STIM1: variants seen among roughly 807,000 people sequenced by gnomAD.
STIM1 encodes stromal interaction molecule 1.
A neutral mutation model predicts 74.7 loss-of-function variants in STIM1; 25 were observed. That is an observed-to-expected ratio of 0.33 (90% CI 0.24 to 0.47). The LOEUF is 0.47. STIM1 is among the 20% of genes least tolerant of loss of function. The pLI is 1.00. For synonymous variants in STIM1, 328 were observed against 348.8 expected (o/e 0.94, Z 0.66); for missense variants, 728 against 920.8 (o/e 0.79, Z 2.71).
At chr11:4,077,210 A>G (rs2094442333) in intron 7 of STIM1, among the ~76,000 whole-genome samples, 1 of 151,822 alleles carries the variant, frequency 6.6e-6, no homozygotes, top group African/African-American at 2.4e-5. Context: ...GCTAAGTGAA[A>G]TAAAGCAAGG....
chr11:4,055,535 G>A lies in STIM1; in HGVS notation c.395G>A (p.Trp132Ter). 6.3e-7 allele frequency: 1 copy of A among 1,596,530 alleles called. No individual in the cohort carries two copies. The highest frequency in any genetic ancestry group is 8.5e-7 in the Non-Finnish European group (1 of 1,172,100). Residue 132 changes from tryptophan to a stop codon, truncating the protein, a stop_gained, in exon 4 of 13, where the codon TGG (tryptophan) becomes TAG (stop). Coordinates refer to ENST00000526596, the MANE Select transcript of STIM1 (RefSeq NM_001382567.1). LOFTEE classifies it high-confidence loss of function. ...KAWKSSEVYNWTVDEVVQWLI... is the reference protein window; with the variant it reads ...KAWKSSEVYN ...TTGTCTCTTTTCACAGTATACAATT[G>A]GACCGTGGATGAGGTGGTACAGTGG...
chr11:3,925,620 G>T (rs1368455249), intron 1 of STIM1, among the ~76,000 whole-genome samples: 1 of 152,162 alleles, frequency 6.6e-6, no homozygotes, highest in African/African-American at 2.4e-5. Context: ...ATAATTTTTA[G>T]ATGGTTTTTA....
intron 1 of STIM1, among the ~76,000 whole-genome samples, chr11:3,916,925 G>A (rs931767545): frequency 3.9e-5 from 6 of 152,206 alleles, no homozygotes; most frequent in African/African-American, 1.4e-4. Flanking sequence ...CAATAGCTAT[G>A]GAAAGGTGGT....
chr11:3,862,880 GCA>G (rs58778371), intron 1 of STIM1, among the ~76,000 whole-genome samples: 426 of 145,986 alleles, frequency 2.9e-3, no homozygotes, highest in Middle Eastern at 3.6e-3. Context: ...ACACACACAC[GCA>G]CACACACACA....
chr11:3,882,917 C>T (rs1020386148), intron 1 of STIM1, among the ~76,000 whole-genome samples: 1 of 152,136 alleles, frequency 6.6e-6, no homozygotes, highest in Non-Finnish European at 1.5e-5. Flanking sequence ...TCTCTAATCT[C>T]TAATGATATT....
intron 1 of STIM1, among the ~76,000 whole-genome samples, chr11:3,951,275 A>G (rs2093144534): frequency 6.6e-6 from 1 of 152,192 alleles, no homozygotes; most frequent in Admixed American, 6.5e-5. Context: ...GGTTCCTAGA[A>G]TGATCATCTT....
chr11:4,046,870 C>T (rs2094197611), intron 3 of STIM1, among the ~76,000 whole-genome samples: 3 of 152,120 alleles, frequency 2.0e-5, no homozygotes, highest in Non-Finnish European at 1.5e-5. Flanking sequence ...TTAGGTTCGT[C>T]TCAAACTCCT....
chr11:4,013,148 G>C (rs1323426974), intron 2 of STIM1, among the ~76,000 whole-genome samples: 1 of 152,154 alleles, frequency 6.6e-6, no homozygotes, highest in Non-Finnish European at 1.5e-5. Flanking sequence ...GAGGATTTTT[G>C]CATCGATGTT....
intron 3 of STIM1, among the ~76,000 whole-genome samples, chr11:4,025,810 A>G (rs1043941511): frequency 2.4e-4 from 37 of 152,200 alleles, no homozygotes; most frequent in African/African-American, 7.5e-4. Context: ...CTTCCAGTGT[A>G]TTCTAAATTA....
At chr11:4,062,346 A>T (rs1014823540) in intron 5 of STIM1, among the ~76,000 whole-genome samples, 2 of 152,226 alleles carry the variant, frequency 1.3e-5, no homozygotes, top group Admixed American at 1.3e-4. Flanking sequence ...CTTGCTAGGT[A>T]CGGTGGCTCA....
At chr11:4,048,296 T>C (rs538234795) in intron 3 of STIM1, among the ~76,000 whole-genome samples, 202 of 152,362 alleles carry the variant, frequency 1.3e-3, no homozygotes, top group African/African-American at 4.3e-3. Context: ...GGACCTGCAG[T>C]GCTGACTTAA....
intron 1 of STIM1, among the ~76,000 whole-genome samples, chr11:3,890,234 A>G (rs936166989): frequency 1.1e-4 from 16 of 152,190 alleles, no homozygotes; most frequent in African/African-American, 2.9e-4. Context: ...GTGTTTTGCA[A>G]TCTGAGAGCA....
At chr11:3,992,081 GTTTTTTTGTTTT>G (rs1281278295) in intron 2 of STIM1, among the ~76,000 whole-genome samples, 3 of 91,990 alleles carry the variant, frequency 3.3e-5, no homozygotes, top group South Asian at 4.0e-4. Context: ...GCCAACATCT[GTTTTTTTGTTTT>G]TTTTTTTTTT....
At chr11:3,946,257 A>T (rs144026160) in intron 1 of STIM1, among the ~76,000 whole-genome samples, 2 of 152,198 alleles carry the variant, frequency 1.3e-5, no homozygotes, top group Non-Finnish European at 2.9e-5. Context: ...CCCAGTTTTC[A>T]TATCTGTTAA....
intron 2 of STIM1, among the ~76,000 whole-genome samples, chr11:4,017,478 C>T (rs977897792): frequency 3.9e-5 from 6 of 152,090 alleles, no homozygotes; most frequent in African/African-American, 1.4e-4. Flanking sequence ...CTCCACTTAC[C>T]TCGGTGATCA....
chr11:3,993,847 G>A (rs1487843835), intron 2 of STIM1, among the ~76,000 whole-genome samples: 1 of 151,922 alleles, frequency 6.6e-6, no homozygotes, highest in Non-Finnish European at 1.5e-5. Flanking sequence ...TCATCATCTG[G>A]ATTTTATTAT....
intron 1 of STIM1, chr11:3,892,873 G>T: frequency 6.3e-7 from 1 of 1,585,476 alleles, no homozygotes; most frequent in East Asian, 2.2e-5. Context: ...CGAAGAACAC[G>T]GTGGGGTTAA....
chr11:3,904,070 G>GCCTGTAATC (rs1453653076), intron 1 of STIM1, among the ~76,000 whole-genome samples: 1 of 151,828 alleles, frequency 6.6e-6, no homozygotes, highest in African/African-American at 2.4e-5. Context: ...GGTGGTATGT[G>GCCTGTAATC]CCTGTAATCT....
intron 1 of STIM1, among the ~76,000 whole-genome samples, chr11:3,859,163 A>G (rs1399859624): frequency 6.6e-6 from 1 of 152,150 alleles, no homozygotes; most frequent in Non-Finnish European, 1.5e-5. Context: ...TTAGTTAGTT[A>G]AAATATTTGA....
Sources: gnomAD v4.1 joint callset for allele counts (sites outside exome capture counted in the v4.1 genomes callset) on GRCh38, gnomAD v4.1.1 for gene constraint, MANE v1.5 for transcripts, NCBI Gene and HGNC (gene_info 2026-07-23, HGNC 2026-07-21) for gene names.